Variants in ARHGAP42 observed in about 807,000 individuals in gnomAD.
ARHGAP42 encodes the protein Rho GTPase activating protein 42.
Under a neutral mutation model 125.0 loss-of-function variants are expected in ARHGAP42, and 63 were observed. That is an observed-to-expected ratio of 0.50 (90% CI 0.41 to 0.62). The LOEUF is 0.62. Ranked by LOEUF, ARHGAP42 falls within the 20% of genes least tolerant of loss-of-function variation. ARHGAP42 has a pLI of 0.00. For missense variants in ARHGAP42, 766 were observed against 1,024.2 expected (o/e 0.75, Z 3.44); for synonymous variants, 339 against 351.0 (o/e 0.97, Z 0.38).
chr11:100,810,133 T>C (rs1267254560), intron 3 of ARHGAP42, among the ~76,000 whole-genome samples: 1 of 151,842 alleles, frequency 6.6e-6, no homozygotes, highest in South Asian at 2.1e-4. Context: ...CTTTAAAAAG[T>C]GGCAAAAAAA....
At chr11:100,944,855 C>A (rs191854046) in intron 10 of ARHGAP42, among the ~76,000 whole-genome samples, 52 of 152,052 alleles carry the variant, frequency 3.4e-4, no homozygotes, top group African/African-American at 1.2e-3. Flanking sequence ...AACTGATCAG[C>A]ATGGTGGTTA....
chr11:100,949,855 T>A, intron 11 of ARHGAP42, 62 bp from the exon 12 acceptor site: 1 of 1,122,764 alleles, frequency 8.9e-7, no homozygotes, highest in Non-Finnish European at 1.3e-6. Flanking sequence ...GATATCACCT[T>A]GCTAATCTTT....
intron 3 of ARHGAP42, among the ~76,000 whole-genome samples, chr11:100,842,511 G>A (rs1489852333): frequency 1.3e-5 from 2 of 152,110 alleles, no homozygotes; most frequent in South Asian, 2.1e-4. Flanking sequence ...ATTAGCACCT[G>A]TCAGTAAATC....
In ARHGAP42 at chr11:100,913,437, A is replaced by G. The variant is rs1337277882; in HGVS notation, c.385-15A>G. 3 of 1,193,594 alleles carry G rather than the reference A, an allele frequency of 2.5e-6. No individual in the cohort carries two copies. Among genetic ancestry groups the G allele is most frequent in the Non-Finnish European group, 2.2e-6 (2 of 920,292 alleles). The allele number at this position is 1,193,594 out of a possible 1,614,324, so 73.9% of individuals were successfully genotyped here. On this transcript the variant is annotated splice_polypyrimidine_tract_variant and intron_variant, in intron 4 of 23. Transcript: ENST00000298815. ...TCTGAGTTAAATATTTTTTGTTGTT[A>G]TTGCTCTCCTTTAGGATGGAAAGAA...
At chr11:100,988,265 A>G (rs1368522134) in intron 23 of ARHGAP42, among the ~76,000 whole-genome samples, 2 of 152,188 alleles carry the variant, frequency 1.3e-5, no homozygotes, top group Non-Finnish European at 2.9e-5. Flanking sequence ...GGACATTCCA[A>G]CTTTAGAGGG....
chr11:100,814,411 C>G (rs371860491), intron 3 of ARHGAP42, among the ~76,000 whole-genome samples: 1 of 151,758 alleles, frequency 6.6e-6, no homozygotes, highest in African/African-American at 2.4e-5. Flanking sequence ...ACAAAGGGCT[C>G]TCACTAACAG....
chr11:100,728,599 T>A (rs1049255331), intron 1 of ARHGAP42, among the ~76,000 whole-genome samples: 3 of 151,784 alleles, frequency 2.0e-5, no homozygotes, highest in African/African-American at 7.3e-5. Flanking sequence ...TTTCCTCTTT[T>A]CCTCATTATA....
chr11:100,780,493 C>CAGAA (rs1277461470), intron 2 of ARHGAP42, among the ~76,000 whole-genome samples: 1 of 152,142 alleles, frequency 6.6e-6, no homozygotes, highest in Non-Finnish European at 1.5e-5. Context: ...TGGATATGGG[C>CAGAA]AGAACAGTGA....
intron 1 of ARHGAP42, among the ~76,000 whole-genome samples, chr11:100,689,273 T>A (rs1420585897): frequency 6.6e-6 from 1 of 152,216 alleles, no homozygotes; most frequent in Admixed American, 6.5e-5. Context: ...TAATGTGAAC[T>A]GTCCTTCCTC....
chr11:100,826,274 T>C (rs1864513361), intron 3 of ARHGAP42, among the ~76,000 whole-genome samples: 1 of 152,202 alleles, frequency 6.6e-6, no homozygotes, highest in Admixed American at 6.5e-5. Flanking sequence ...GAGATGGCTA[T>C]TGAACGTATA....
chr11:100,902,766 C>T (rs1204189029), intron 4 of ARHGAP42, among the ~76,000 whole-genome samples: 3 of 152,122 alleles, frequency 2.0e-5, no homozygotes, highest in South Asian at 2.1e-4. Context: ...CCTTCCATCA[C>T]GTCTAGACAA....
intron 1 of ARHGAP42, among the ~76,000 whole-genome samples, chr11:100,765,047 A>G (rs892183054): frequency 1.3e-5 from 2 of 152,182 alleles, no homozygotes; most frequent in Admixed American, 6.5e-5. Flanking sequence ...GCAACGGAGA[A>G]TGAGAGAAAA....
intron 8 of ARHGAP42, among the ~76,000 whole-genome samples, chr11:100,938,420 C>T (rs1867792523): frequency 6.6e-6 from 1 of 152,096 alleles, no homozygotes; most frequent in South Asian, 2.1e-4. Context: ...CTTATTAGCA[C>T]TCTCTTTGTT....
intron 1 of ARHGAP42, among the ~76,000 whole-genome samples, chr11:100,725,859 C>T (rs1438567784): frequency 6.9e-6 from 1 of 144,372 alleles, no homozygotes; most frequent in Non-Finnish European, 1.5e-5. Flanking sequence ...GGCGCGAACC[C>T]GGGAGGCGGA....
rs199984732 is a variant in ARHGAP42 at position 100,818,756 on chromosome 11, TTTTGTTTG to T, written c.312+23614_312+23621del. On this transcript the variant is annotated intron_variant, in intron 3 of 23. Transcript: ENST00000298815. ...GTGGTACGGTGTATTTTTTCTCTGT[TTTTGTTTG>T]TTTGTTTGTTTGTTTGTTTGTTTTG... Among the ~76,000 whole-genome samples the T allele has an allele frequency of 5.5e-4, 84 of 152,188 alleles. 1 individual carries two copies. Among genetic ancestry groups the T allele is most frequent in the South Asian group, 1.7e-3 (8 of 4,822 alleles).
In ARHGAP42 at chr11:100,948,598, A is replaced by G. The variant is rs1023294996; in HGVS notation, c.1122+63A>G. 16 of 1,285,782 alleles carry G rather than the reference A, an allele frequency of 1.2e-5. No homozygotes were observed. The East Asian group carries it at 3.5e-4, about 28-fold the overall frequency. 79.6% of individuals were successfully genotyped at this position (1,285,782 alleles called of 1,614,324 possible). A position where few individuals can be genotyped will look rare whatever the true frequency, so the allele number is the denominator to read the frequency against. Reference sequence around the variant, plus strand: ...GTCCTAATAATTATAATGTATGGAAATTCTTTTCATAGTATACAATGTTTT... The same window carrying G: ...GTCCTAATAATTATAATGTATGGAAGTTCTTTTCATAGTATACAATGTTTT... On this transcript the variant is annotated intron_variant, in intron 11 of 23. Transcript: ENST00000298815.
intron 8 of ARHGAP42, among the ~76,000 whole-genome samples, chr11:100,936,983 A>C (rs988116995): frequency 4.6e-5 from 7 of 152,236 alleles, no homozygotes; most frequent in African/African-American, 1.4e-4. Flanking sequence ...GCCCTAAGGC[A>C]TCATTCTCGT....
chr11:100,784,242 A>G (rs1863380815), intron 2 of ARHGAP42, among the ~76,000 whole-genome samples: 1 of 152,236 alleles, frequency 6.6e-6, no homozygotes, highest in South Asian at 2.1e-4. Flanking sequence ...TAAGTTACAT[A>G]GGCACGTACC....
intron 5 of ARHGAP42, among the ~76,000 whole-genome samples, chr11:100,915,757 C>T (rs1867045050): frequency 6.6e-6 from 1 of 152,114 alleles, no homozygotes; most frequent in Admixed American, 6.6e-5. Context: ...CACTTCTTTT[C>T]CAGGAGATAC....
Sources: allele counts gnomAD v4.1 joint callset (sites outside exome capture counted in the v4.1 genomes callset), GRCh38; gene constraint gnomAD v4.1.1; transcripts MANE v1.5; gene names NCBI Gene and HGNC (gene_info 2026-07-23, HGNC 2026-07-21).